SETMAR: variants seen among roughly 807,000 people sequenced by gnomAD.
The protein encoded by SETMAR is histone-lysine N-methyltransferase SETMAR.
A neutral mutation model predicts 58.4 loss-of-function variants in SETMAR; 44 were observed. That is an observed-to-expected ratio of 0.75 (90% CI 0.59 to 0.97). The LOEUF is 0.97. Among genes scored for constraint, SETMAR ranks in the 50% least tolerant of loss-of-function variants. The pLI is 0.00. For missense variants in SETMAR, 903 were observed against 840.2 expected (o/e 1.07, Z -0.92); for synonymous variants, 332 against 307.4 (o/e 1.08, Z -0.84).
intron 1 of SETMAR, among the ~76,000 whole-genome samples, chr3:4,306,312 C>T (rs964525054): frequency 8.6e-5 from 13 of 152,038 alleles, no homozygotes; most frequent in Non-Finnish European, 1.6e-4. Flanking sequence ...AAGTATCTCC[C>T]TTAGAATCAT....
intron 1 of SETMAR, chr3:4,304,083 G>A (rs1215664906): frequency 1.1e-5 from 2 of 188,944 alleles, no homozygotes; most frequent in African/African-American, 2.4e-5. Flanking sequence ...TACACTTTCC[G>A]GTTTGCTGTA....
At position 4,305,889 on chromosome 3, in the gene SETMAR, T is replaced by TA. The variant is rs556239679; in HGVS notation, c.156+2365dup. Among the ~76,000 whole-genome samples the TA allele has an allele frequency of 1.3e-4, 20 of 152,314 alleles. No individual in the cohort carries two copies. The South Asian group carries it at 2.5e-3, about 19-fold the overall frequency. ...ACTACCTTTGGCAATTTATAGTTAA[T>TA]AATACAGTTAGCTGGCCCAATATTA... On this transcript the variant is annotated intron_variant, in intron 1 of 2. Coordinates refer to ENST00000358065, the MANE Select transcript of SETMAR (RefSeq NM_006515.4).
At chr3:4,315,782 C>T (rs1241092188) in intron 2 of SETMAR, among the ~76,000 whole-genome samples, 2 of 152,078 alleles carry the variant, frequency 1.3e-5, no homozygotes, top group Non-Finnish European at 2.9e-5. Context: ...TGCAGTGGCT[C>T]ACACCTGTAA....
rs772102647 is a variant in SETMAR, at chr3:4,303,703, C to G, written c.156+177C>G. The G allele has an allele frequency of 8.0e-6, 12 of 1,501,764 alleles. No homozygotes were observed. The South Asian group carries it at 1.2e-4, about 15-fold the overall frequency. 93.0% of individuals were successfully genotyped at this position (1,501,764 alleles called of 1,614,324 possible). A position where few individuals can be genotyped will look rare whatever the true frequency, so the allele number is the denominator to read the frequency against. On this transcript the variant is annotated intron_variant, in intron 1 of 2. Transcript: ENST00000358065. Reference sequence around the variant, plus strand: ...CGGCCTGGGCCTTTTTCTGTTGACCCACGGCATCACCTTAGCAAGGGTGTT... The same window carrying G: ...CGGCCTGGGCCTTTTTCTGTTGACCGACGGCATCACCTTAGCAAGGGTGTT...
chr3:4,313,465 C>T lies in SETMAR; in HGVS notation c.724C>T (p.Pro242Ser), dbSNP rs767822720. 4.3e-6 allele frequency: 7 copies of T among 1,613,900 alleles called. No individual in the cohort carries two copies. Among genetic ancestry groups the T allele is most frequent in the Non-Finnish European group, 5.9e-6 (7 of 1,179,974 alleles). ...MIPVRIDSMV[P>S]KLALFAAKDI... ...TCCTGTCCGAATTGACTCAATGGTACCTAAGTTGGCACTTTTTGCAGCCAA... is the reference window on the plus strand; with the variant it reads ...TCCTGTCCGAATTGACTCAATGGTATCTAAGTTGGCACTTTTTGCAGCCAA... The change falls in exon 2 of 3, where the codon CCT (proline) becomes TCT (serine). Residue 242 changes from proline to serine, a missense_variant. Physicochemically the swap from Pro to Ser is moderately conservative, Grantham distance 74 (BLOSUM62 -1). Coordinates refer to ENST00000358065, the MANE Select transcript of SETMAR (RefSeq NM_006515.4).
intron 1 of SETMAR, among the ~76,000 whole-genome samples, chr3:4,308,279 T>C (rs1698269844): frequency 6.6e-6 from 1 of 152,204 alleles, no homozygotes; most frequent in Non-Finnish European, 1.5e-5. Flanking sequence ...CTTATTTTCT[T>C]CACTACCCTA....
In SETMAR at chr3:4,316,703, C is replaced by T; in HGVS notation, c.1512C>T (p.Asn504=). Residue 504 remains asparagine, a synonymous_variant, in exon 3 of 3, where the codon AAC becomes AAT. Transcript: ENST00000358065. ...TCDEKWILYD[N]RRRSAQWLDQ... ...ATGAAAAGTGGATTTTATATGACAA[C>T]CGGCGACGATCAGCTCAGTGGTTGG... is the stretch of plus-strand genomic sequence containing the variant. 2 of 1,550,966 alleles carry T rather than the reference C, an allele frequency of 1.3e-6. No homozygotes were observed. Among genetic ancestry groups the T allele is most frequent in the Non-Finnish European group, 1.7e-6 (2 of 1,146,752 alleles).
Position 4,316,554 on chromosome 3 carries a change from A to C in SETMAR, c.1363A>C (p.Lys455Gln). 1 of 1,556,316 alleles carries C rather than the reference A, an allele frequency of 6.4e-7. No individual in the cohort carries two copies. The change falls in exon 3 of 3, where the codon AAG becomes CAG. Residue 455 changes from lysine to glutamine, a missense_variant. Coordinates refer to ENST00000358065, the MANE Select transcript of SETMAR (RefSeq NM_006515.4). ...RHLKQIGKVK[K>Q]LDKWVPHELT... Reference sequence around the variant, plus strand: ...TTTGAAGCAAATTGGAAAGGTGAAAAAGCTCGATAAGTGGGTGCCTCATGA... The same window carrying C: ...TTTGAAGCAAATTGGAAAGGTGAAACAGCTCGATAAGTGGGTGCCTCATGA...
In SETMAR at chr3:4,313,137, G is replaced by A; in HGVS notation, c.396G>A (p.Val132=). 33 of 1,614,016 alleles carry A rather than the reference G, an allele frequency of 2.0e-5. No homozygotes were observed. Among genetic ancestry groups the A allele is most frequent in the Non-Finnish European group, 2.8e-5 (33 of 1,179,968 alleles). The change falls in exon 2 of 3, where the codon GTG becomes GTA. Residue 132 remains valine, a synonymous_variant. Coordinates refer to ENST00000358065, the MANE Select transcript of SETMAR (RefSeq NM_006515.4). ...CRCSDHCRNR[V]VQKGLQFHFQ... The stretch of plus-strand genomic sequence containing the variant: ...GCAGTGACCACTGCAGAAACAGAGT[G>A]GTCCAGAAAGGTCTACAGTTCCACT...
At chr3:4,310,212 G>A (rs375970950) in intron 1 of SETMAR, among the ~76,000 whole-genome samples, 5 of 152,130 alleles carry the variant, frequency 3.3e-5, no homozygotes, top group South Asian at 4.1e-4. Flanking sequence ...GTTTAACCGC[G>A]TGGCATGTAA....
chr3:4,303,724 G>GT lies in SETMAR; in HGVS notation c.156+199dup, dbSNP rs762589482. On this transcript the variant is annotated intron_variant, in intron 1 of 2. Transcript: ENST00000358065. ...GACCCACGGCATCACCTTAGCAAGG[G>GT]TGTTGTCCTTTTCAGTCCATTCCCT... 45 of 1,502,692 alleles carry GT rather than the reference G, an allele frequency of 3.0e-5. No homozygotes were observed. In the South Asian group the frequency reaches 5.5e-4, roughly 18 times the overall value. 93.1% of individuals were successfully genotyped at this position (1,502,692 alleles called of 1,614,324 possible). A position where few individuals can be genotyped will look rare whatever the true frequency, so the allele number is the denominator to read the frequency against.
chr3:4,303,695 T>C (rs1575067455), intron 1 of SETMAR, 169 bp downstream of exon 1: 2 of 1,501,490 alleles, frequency 1.3e-6, no homozygotes, highest in South Asian at 1.2e-5. Context: ...GGCCTTTTTC[T>C]GTTGACCCAC....
intron 1 of SETMAR, 198 bp downstream of exon 1, chr3:4,303,724 G>A (rs1575067522): frequency 2.0e-6 from 3 of 1,502,692 alleles, no homozygotes; most frequent in South Asian, 2.4e-5. Context: ...CTTAGCAAGG[G>A]TGTTGTCCTT....
chr3:4,316,643 C>A lies in SETMAR; in HGVS notation c.1452C>A (p.His484Gln). 1 of 1,551,242 alleles carries A rather than the reference C, an allele frequency of 6.4e-7. No homozygotes were observed. The highest frequency in any genetic ancestry group is 8.7e-7 in the Non-Finnish European group (1 of 1,146,768). The change falls in exon 3 of 3, where the codon CAC becomes CAA. Residue 484 changes from histidine (H) to glutamine (Q), a missense_variant. Transcript: ENST00000358065. Reference protein sequence around the residue: ...EVSSSLILRNHNEPFLDRIVT... With the variant: ...EVSSSLILRNQNEPFLDRIVT... ...CATCTTCTCTTATTCTACGCAACCA[C>A]AACGAACCATTTCTCGATCGGATTG...
intron 1 of SETMAR, among the ~76,000 whole-genome samples, chr3:4,312,145 A>T (rs750463830): frequency 3.6e-4 from 55 of 152,236 alleles, no homozygotes; most frequent in Non-Finnish European, 7.3e-4. Context: ...TATTTAAGAA[A>T]TAGCATTTTT....
intron 1 of SETMAR, among the ~76,000 whole-genome samples, chr3:4,309,979 C>T (rs1362339946): frequency 6.6e-6 from 1 of 152,190 alleles, no homozygotes; most frequent in African/African-American, 2.4e-5. Flanking sequence ...GCCTACTACA[C>T]ACTTAGGCAA....
At chr3:4,314,817 A>G (rs1455210479) in intron 2 of SETMAR, among the ~76,000 whole-genome samples, 1 of 152,188 alleles carries the variant, frequency 6.6e-6, no homozygotes, top group Non-Finnish European at 1.5e-5. Context: ...GAAAGCTAAA[A>G]TAATTACTAG....
chr3:4,309,874 ATGGG>A, intron 1 of SETMAR, among the ~76,000 whole-genome samples: 1 of 152,358 alleles, frequency 6.6e-6, no homozygotes, highest in African/African-American at 2.4e-5. Flanking sequence ...TTATTTAACT[ATGGG>A]GAAACAGTCT....
At chr3:4,308,116 T>C (rs1698263207) in intron 1 of SETMAR, among the ~76,000 whole-genome samples, 1 of 152,218 alleles carries the variant, frequency 6.6e-6, no homozygotes, top group South Asian at 2.1e-4. Context: ...AGTAAGGTAA[T>C]ACTTGATAAC....
Sources: allele counts gnomAD v4.1 joint callset (sites outside exome capture counted in the v4.1 genomes callset), GRCh38; gene constraint gnomAD v4.1.1; transcripts MANE v1.5; gene names NCBI Gene and HGNC (gene_info 2026-07-23, HGNC 2026-07-21).